The following SMC3 variants were observed in gnomAD, a reference collection of about 807,000 sequenced individuals.
SMC3 encodes structural maintenance of chromosomes 3.
In SMC3, 20 loss-of-function variants were observed where a neutral mutation model predicts 171.8. That is an observed-to-expected ratio of 0.12 (90% CI 0.08 to 0.17). The LOEUF (loss-of-function observed/expected upper bound fraction) is 0.17. Among genes scored for constraint, SMC3 ranks in the 10% least tolerant of loss-of-function variants. The pLI is 1.00. For missense variants in SMC3, 543 were observed against 1,420.4 expected (o/e 0.38, Z 9.93); for synonymous variants, 464 against 451.1 (o/e 1.03, Z -0.36).
intron 15 of SMC3, 117 bp from the exon 16 acceptor site, chr10:110,590,295 G>T: frequency 8.2e-6 from 7 of 857,370 alleles, no homozygotes; most frequent in Non-Finnish European, 1.3e-5. Flanking sequence ...TGTTGGAGAG[G>T]ATGTTTAGTT....
At chr10:110,600,361 T>TAG in intron 21 of SMC3, 78 bp from the exon 22 acceptor site, 1 of 787,836 alleles carries the variant, frequency 1.3e-6, no homozygotes, top group Non-Finnish European at 2.3e-6. Context: ...GCACAAGTAC[T>TAG]AGAGAGGACA....
At chr10:110,581,589 A>G (rs1452429448) in intron 8 of SMC3, among the ~76,000 whole-genome samples, 1 of 152,188 alleles carries the variant, frequency 6.6e-6, no homozygotes, top group Non-Finnish European at 1.5e-5. Context: ...CAGTGTCACC[A>G]TGTGTAAATT....
chr10:110,572,693 C>T (rs1454009402), intron 2 of SMC3, among the ~76,000 whole-genome samples: 1 of 152,114 alleles, frequency 6.6e-6, no homozygotes, highest in Non-Finnish European at 1.5e-5. Flanking sequence ...ATCTTGTGCT[C>T]CTTTTCAAAC....
intron 2 of SMC3, among the ~76,000 whole-genome samples, chr10:110,571,093 T>A (rs1415355193): frequency 6.6e-6 from 1 of 152,220 alleles, no homozygotes; most frequent in Non-Finnish European, 1.5e-5. Flanking sequence ...TATAGAACAT[T>A]ATGGAAAAGC....
At chr10:110,590,051 A>C in intron 15 of SMC3, 60 bp downstream of exon 15, 1 of 1,464,328 alleles carries the variant, frequency 6.8e-7, no homozygotes, top group East Asian at 2.3e-5. Context: ...ATCGTTATGT[A>C]ATAATTTTTT....
intron 28 of SMC3, 135 bp from the exon 29 acceptor site, chr10:110,604,094 CAA>C (rs57491050): frequency 0.016 from 3,732 of 227,182 alleles, no homozygotes; most frequent in Middle Eastern, 0.029. Context: ...GACTCCATCT[CAA>C]AAAAAAAAAA....
Position 110,590,286 on chromosome 10 carries a change from G to C in SMC3, c.1510-126G>C, listed in dbSNP as rs112860421. On this transcript the variant is annotated intron_variant, in intron 15 of 28. Coordinates refer to ENST00000361804, the MANE Select transcript of SMC3 (RefSeq NM_005445.4). The stretch of plus-strand genomic sequence containing the variant: ...CATATTGTGAGGAGGTGATGTGTTT[G>C]TTGGAGAGGATGTTTAGTTTAATCA... 135 of 813,870 alleles carry C rather than the reference G, an allele frequency of 1.7e-4. 3 individuals are homozygous for C. In the South Asian group the frequency reaches 1.9e-3, roughly 12 times the overall value. The allele number at this position is 813,870 out of a possible 1,614,324, so 50.4% of individuals were successfully genotyped here.
At chr10:110,580,808 C>G in intron 7 of SMC3, 96 bp from the exon 8 acceptor site, 1 of 775,322 alleles carries the variant, frequency 1.3e-6, no homozygotes, top group Non-Finnish European at 2.4e-6. Flanking sequence ...TAAGGGATAC[C>G]CAACCTTCAT....
At chr10:110,603,926 C>G (rs774103578) in intron 28 of SMC3, among the ~76,000 whole-genome samples, 7 of 151,758 alleles carry the variant, frequency 4.6e-5, no homozygotes, top group Non-Finnish European at 8.8e-5. Context: ...AAACCCCCGT[C>G]TCTACTAAAA....
intron 4 of SMC3, among the ~76,000 whole-genome samples, chr10:110,575,955 A>C (rs751938697): frequency 1.4e-4 from 21 of 152,210 alleles, no homozygotes; most frequent in Non-Finnish European, 2.8e-4. Context: ...AAACTAAACA[A>C]CATACAAGTT....
chr10:110,591,252 A>G (rs984918797), intron 17 of SMC3, 120 bp downstream of exon 17: 2 of 1,008,980 alleles, frequency 2.0e-6, no homozygotes, highest in East Asian at 5.2e-5. Flanking sequence ...TGAGATAAAA[A>G]TATCTGTCTT....
intron 2 of SMC3, among the ~76,000 whole-genome samples, chr10:110,570,964 T>C (rs1387382742): frequency 6.6e-6 from 1 of 152,202 alleles, no homozygotes; most frequent in African/African-American, 2.4e-5. Context: ...ACCACTTTGA[T>C]TGATGAATGA....
intron 19 of SMC3, among the ~76,000 whole-genome samples, 181 bp from the exon 20 acceptor site, chr10:110,597,958 C>CT (rs1412719108): frequency 1.3e-5 from 2 of 152,046 alleles, no homozygotes; most frequent in Non-Finnish European, 2.9e-5. Flanking sequence ...TTTCAAGCTT[C>CT]TTTATGATTG....
intron 13 of SMC3, among the ~76,000 whole-genome samples, chr10:110,586,085 C>T (rs905897931): frequency 6.6e-5 from 10 of 152,176 alleles, no homozygotes; most frequent in African/African-American, 2.4e-4. Context: ...TGTGAGCCAC[C>T]ATGCCTGGCC....
intron 22 of SMC3, 40 bp from the exon 23 acceptor site, chr10:110,600,980 CAT>C: frequency 1.4e-6 from 2 of 1,422,108 alleles, no homozygotes; most frequent in Non-Finnish European, 2.0e-6. Flanking sequence ...TGTTGGCAGT[CAT>C]AACATTTGAA....
At chr10:110,575,826 A>T (rs1860938525) in intron 4 of SMC3, among the ~76,000 whole-genome samples, 1 of 152,238 alleles carries the variant, frequency 6.6e-6, no homozygotes, top group Admixed American at 6.5e-5. Flanking sequence ...TAAGGATGTG[A>T]TCTGCAAAGG....
Position 110,577,823 on chromosome 10 carries a change from AT to A in SMC3, c.271-6del. 6.3e-7 allele frequency: 1 copy of A among 1,594,988 alleles called. No homozygotes were observed. Among genetic ancestry groups the A allele is most frequent in the Non-Finnish European group, 8.6e-7 (1 of 1,163,492 alleles). On this transcript the variant is annotated splice_polypyrimidine_tract_variant and intron_variant, in intron 5 of 28. Transcript: ENST00000361804. The stretch of plus-strand genomic sequence containing the variant: ...TATTAAATTAACTGTGGGCTTTTAC[AT>A]TTTTTCTTAGATCGATAAAGAGGAA...
At position 110,591,155 on chromosome 10, in the gene SMC3, G is replaced by A. The variant is rs377191243; in HGVS notation, c.1812+23G>A. The A allele has an allele frequency of 5.6e-6, 9 of 1,608,924 alleles. No homozygotes were observed. In the African/African-American group the frequency reaches 9.4e-5, roughly 17 times the overall value. ...AATGTGAGTCATTGTGTGATAAGGT[G>A]TATTTCTCTTTTATAATGTTATTTT... On this transcript the variant is annotated intron_variant, in intron 17 of 28. Coordinates refer to ENST00000361804, the MANE Select transcript of SMC3 (RefSeq NM_005445.4).
intron 1 of SMC3, chr10:110,568,270 G>C (rs1413546295): frequency 9.3e-6 from 2 of 214,032 alleles, no homozygotes; most frequent in Non-Finnish European, 1.9e-5. Context: ...CGGCCCGGGG[G>C]CGGCCCTGGG....
Sources: allele counts gnomAD v4.1 joint callset (sites outside exome capture counted in the v4.1 genomes callset), GRCh38; gene constraint gnomAD v4.1.1; transcripts MANE v1.5; gene names NCBI Gene and HGNC (gene_info 2026-07-23, HGNC 2026-07-21).